The following GET1 variants were observed in gnomAD, a reference collection of about 807,000 sequenced individuals.
GET1 encodes congenital heart disease 5 protein.
In GET1, 20 loss-of-function variants were observed where a neutral mutation model predicts 22.6. That is an observed-to-expected ratio of 0.89 (90% CI 0.62 to 1.29). The LOEUF is 1.29. GET1 is among the 50% of genes most tolerant of loss of function. The pLI is 0.00. For missense variants in GET1, 209 were observed against 219.9 expected (o/e 0.95, Z 0.31); for synonymous variants, 92 against 83.8 (o/e 1.10, Z -0.53).
chr21:39,402,341 G>A (rs1039785111), downstream of GET1, among the ~76,000 whole-genome samples: 2 of 152,212 alleles, frequency 1.3e-5, no homozygotes, highest in African/African-American at 4.8e-5. Flanking sequence ...CTGGCCTCAA[G>A]TGATCTGCCT....
At chr21:39,402,505 G>A (rs1293894404), downstream of GET1, among the ~76,000 whole-genome samples, 2 of 152,218 alleles carry the variant, frequency 1.3e-5, no homozygotes, top group African/African-American at 4.8e-5. Flanking sequence ...GGCTGCCTGG[G>A]TTTTGTCCTC....
chr21:39,396,799 G>T lies in GET1; in HGVS notation c.452-67G>T, dbSNP rs949662366. 16 of 1,398,654 alleles carry T rather than the reference G, an allele frequency of 1.1e-5. No homozygotes were observed. In the Admixed American group the frequency reaches 2.5e-4, roughly 22 times the overall value. The allele number at this position is 1,398,654 out of a possible 1,614,324, so 86.6% of individuals were successfully genotyped here. On this transcript the variant is annotated intron_variant, in intron 4 of 4. Transcript: ENST00000649170. ...AATACTCTCTTTGCTGTGAGTTAAA[G>T]ACAGCAGAGACAGATGGGGGCAGCA...
chr21:39,423,079 A>G (rs2074037563), intron 1 of GET1: 7 of 1,614,174 alleles, frequency 4.3e-6, no homozygotes, highest in Non-Finnish European at 5.9e-6. Flanking sequence ...AAGTTTCTGC[A>G]GTGCCTGCAA....
chr21:39,414,440 A>G (rs1444865302), intron 1 of GET1, among the ~76,000 whole-genome samples: 1 of 151,868 alleles, frequency 6.6e-6, no homozygotes, highest in Non-Finnish European at 1.5e-5. Context: ...GTTTCAAAGT[A>G]AAGAAACGAA....
intron 1 of GET1, among the ~76,000 whole-genome samples, chr21:39,385,322 G>A (rs1392882896): frequency 6.6e-6 from 1 of 152,112 alleles, no homozygotes; most frequent in Non-Finnish European, 1.5e-5. Flanking sequence ...CTCCCCCCGC[G>A]TGAGGCCTTA....
chr21:39,403,811 G>A (rs1404546772), intron 4 of GET1, among the ~76,000 whole-genome samples: 2 of 151,710 alleles, frequency 1.3e-5, no homozygotes, highest in South Asian at 2.1e-4. Flanking sequence ...TAGTAGAGAC[G>A]GGGTTTCACC....
At chr21:39,411,067 A>G (rs1163917052), downstream of GET1, 1 of 365,272 alleles carries the variant, frequency 2.7e-6, no homozygotes, top group African/African-American at 2.1e-5. Flanking sequence ...AGTGGCATCA[A>G]TATAGATGAA....
intron 4 of GET1, among the ~76,000 whole-genome samples, chr21:39,403,359 C>T (rs1212145835): frequency 6.6e-6 from 1 of 152,212 alleles, no homozygotes; most frequent in African/African-American, 2.4e-5. Flanking sequence ...CGGAGTCTCG[C>T]TCTGTTGCCC....
At chr21:39,402,986 A>G (rs1601654811) in intron 4 of GET1, among the ~76,000 whole-genome samples, 3 of 152,208 alleles carry the variant, frequency 2.0e-5, no homozygotes, top group African/African-American at 7.2e-5. Context: ...ACTTCTAAAT[A>G]TAGCTCTGAT....
chr21:39,421,276 A>G (rs1392264335), intron 1 of GET1, among the ~76,000 whole-genome samples: 1 of 151,878 alleles, frequency 6.6e-6, no homozygotes, highest in Non-Finnish European at 1.5e-5. Flanking sequence ...TAATTTTTGT[A>G]TTTTTAGTAA....
chr21:39,412,600 G>GCACACA (rs58572253), intron 1 of GET1, among the ~76,000 whole-genome samples: 15 of 149,516 alleles, frequency 1.0e-4, no homozygotes, highest in African/African-American at 2.4e-4. Flanking sequence ...ACGTGCATGT[G>GCACACA]CACACACACA....
intron 1 of GET1, chr21:39,387,736 C>T (rs2038010291): frequency 1.3e-5 from 13 of 980,248 alleles, no homozygotes; most frequent in Non-Finnish European, 1.4e-5. Context: ...TGGTAGGCGG[C>T]ATCACTGGGC....
chr21:39,410,112 G>A, downstream of GET1: 1 of 1,555,702 alleles, frequency 6.4e-7, no homozygotes, highest in Non-Finnish European at 8.9e-7. Context: ...ATTTAGAAAA[G>A]CAGCAAAAAC....
chr21:39,395,505 C>T (rs1230985948), intron 4 of GET1, among the ~76,000 whole-genome samples: 1 of 152,072 alleles, frequency 6.6e-6, no homozygotes, highest in Non-Finnish European at 1.5e-5. Context: ...GCTGGGATTA[C>T]AGGTGCCCAC....
exon 5 of GET1, chr21:39,406,601 C>T (rs1261972345): frequency 6.3e-7 from 1 of 1,577,156 alleles, no homozygotes; most frequent in Admixed American, 1.9e-5. Context: ...TGTTTCTCTT[C>T]CCCTGATAAA....
chr21:39,426,466 AC>A (rs1403293649), intron 1 of GET1, among the ~76,000 whole-genome samples: 2 of 152,136 alleles, frequency 1.3e-5, no homozygotes, highest in African/African-American at 4.8e-5. Flanking sequence ...CTTATTGTAA[AC>A]CCTTGGAACC....
chr21:39,418,846 G>A (rs1163499566), intron 1 of GET1, among the ~76,000 whole-genome samples: 1 of 152,080 alleles, frequency 6.6e-6, no homozygotes, highest in African/African-American at 2.4e-5. Flanking sequence ...TCATATGTCT[G>A]CATGAGGAAG....
At chr21:39,410,255 T>C (rs1442706667), downstream of GET1, 4 of 1,560,502 alleles carry the variant, frequency 2.6e-6, no homozygotes, top group African/African-American at 1.4e-5. Flanking sequence ...GATTCCAAAT[T>C]TGCTGTACCT....
chr21:39,426,266 A>G (rs1913246186), intron 1 of GET1, among the ~76,000 whole-genome samples: 2 of 152,184 alleles, frequency 1.3e-5, no homozygotes, highest in Non-Finnish European at 2.9e-5. Flanking sequence ...TACTGTATCC[A>G]TCACGCATAC....
Sources: allele counts gnomAD v4.1 joint callset (sites outside exome capture counted in the v4.1 genomes callset), GRCh38; gene constraint gnomAD v4.1.1; transcripts MANE v1.5; gene names NCBI Gene and HGNC (gene_info 2026-07-23, HGNC 2026-07-21).